The following PCDHGB4 variants were observed in gnomAD, a reference collection of about 807,000 sequenced individuals.
PCDHGB4 encodes the protein protocadherin gamma subfamily B, 4.
Under a neutral mutation model 60.5 loss-of-function variants are expected in PCDHGB4, and 38 were observed. The ratio of observed to expected loss-of-function variants is 0.63; its 90% CI spans 0.48 to 0.82. PCDHGB4 has a LOEUF of 0.82. PCDHGB4 is among the 40% of genes least tolerant of loss of function. The probability of loss-of-function intolerance (pLI) is 0.00; values close to 1 mark genes in which losing one functional copy is unlikely to be tolerated. For missense variants in PCDHGB4, 1,109 were observed against 1,209.6 expected, an observed-to-expected ratio of 0.92 and a Z score of 1.23; for synonymous variants, 456 against 509.7, an observed-to-expected ratio of 0.89 and a Z score of 1.42.
chr5:141,499,073 G>T (rs2099789305), intron 2 of PCDHGB4, among the ~76,000 whole-genome samples: 1 of 152,064 alleles, frequency 6.6e-6, no homozygotes, highest in Admixed American at 6.5e-5. Flanking sequence ...CTTACATTCT[G>T]AAGTTCCTGC....
At chr5:141,470,548 A>G (rs2099232978) in intron 1 of PCDHGB4, among the ~76,000 whole-genome samples, 1 of 152,182 alleles carries the variant, frequency 6.6e-6, no homozygotes, top group Non-Finnish European at 1.5e-5. Context: ...ATATTTATTG[A>G]GAGTTTCCTC....
intron 1 of PCDHGB4, among the ~76,000 whole-genome samples, chr5:141,401,290 C>T (rs1460193254): frequency 6.6e-6 from 1 of 151,710 alleles, no homozygotes; most frequent in Non-Finnish European, 1.5e-5. Flanking sequence ...TGCGGTGAGC[C>T]GAGATCACTC....
At position 141,490,381 on chromosome 5, in the gene PCDHGB4, A is replaced by T. The variant is rs770046796; in HGVS notation, c.2398-4426A>T. 1 of 1,614,240 alleles carries T rather than the reference A, an allele frequency of 6.2e-7. No homozygotes were observed. The highest frequency in any genetic ancestry group is 1.1e-5 in the South Asian group (1 of 91,090). On this transcript the variant is annotated intron_variant, in intron 1 of 3. Coordinates refer to ENST00000519479, the MANE Select transcript of PCDHGB4 (RefSeq NM_003736.4). This position sits in a 1 kb window ranked among gnomAD's most constrained non-coding sequence, Gnocchi z 5.4. ...TAATGTGCGAGACCGGGACTCAGGT[A>T]GAAATGGTGAAGTGAGCCTTGATAT...
At position 141,486,370 on chromosome 5, in the gene PCDHGB4, T is replaced by C. The variant is rs755925357; in HGVS notation, c.2398-8437T>C. Reference sequence around the variant, plus strand: ...ACCACTTGCCATTTGCCCTCAAGTCTGCCTTCAGGAACCAGTTCTCCCTGG... The same window carrying C: ...ACCACTTGCCATTTGCCCTCAAGTCCGCCTTCAGGAACCAGTTCTCCCTGG... On this transcript the variant is annotated intron_variant, in intron 1 of 3. Coordinates refer to ENST00000519479, the MANE Select transcript of PCDHGB4 (RefSeq NM_003736.4). The surrounding 1 kb of genome is among the most constrained non-coding windows in gnomAD (Gnocchi z 5.0). 8 of 1,613,988 alleles carry C rather than the reference T, an allele frequency of 5.0e-6. No individual in the cohort carries two copies. The Admixed American group carries it at 1.3e-4, about 27-fold the overall frequency.
intron 1 of PCDHGB4, chr5:141,405,435 T>TAG: frequency 6.8e-7 from 1 of 1,463,324 alleles, no homozygotes; most frequent in Non-Finnish European, 9.3e-7. Flanking sequence ...TTGTTTTGTT[T>TAG]TTGAGACAGA....
At chr5:141,419,298 A>G in intron 1 of PCDHGB4, 1 of 1,613,988 alleles carries the variant, frequency 6.2e-7, no homozygotes, top group Non-Finnish European at 8.5e-7. Context: ...TCTGACCCAG[A>G]CTTCGGGCTC....
chr5:141,490,467 C>T lies in PCDHGB4; in HGVS notation c.2398-4340C>T. ...AGAACCACTACTCGCTGCTAACCAG[C>T]CAGCCTTTGGACCGGGAGGCCACAT... is the stretch of plus-strand genomic sequence containing the variant. On this transcript the variant is annotated intron_variant, in intron 1 of 3. Transcript: ENST00000519479. This position sits in a 1 kb window ranked among gnomAD's most constrained non-coding sequence, Gnocchi z 5.4. The T allele has an allele frequency of 6.2e-7, 1 of 1,614,216 alleles. No individual in the cohort carries two copies. The highest frequency in any genetic ancestry group is 8.5e-7 in the Non-Finnish European group (1 of 1,180,040).
intron 1 of PCDHGB4, chr5:141,410,849 C>CTTTTTTTTTCTTTTTTTTTTT (rs2095433801): frequency 7.7e-6 from 1 of 129,786 alleles, no homozygotes; most frequent in Non-Finnish European, 1.3e-5. Context: ...TTGTCTTTGT[C>CTTTTTTTTTCTTTTTTTTTTT]TTTTTTTTTT....
chr5:141,428,388 C>A, intron 1 of PCDHGB4: 1 of 506,160 alleles, frequency 2.0e-6, no homozygotes, highest in African/African-American at 1.9e-5. Flanking sequence ...GCTCTTCCAG[C>A]CCCTCTGCCT....
chr5:141,404,240 C>T, intron 1 of PCDHGB4: 1 of 1,613,660 alleles, frequency 6.2e-7, no homozygotes, highest in East Asian at 2.2e-5. Context: ...CAGAGGAACT[C>T]CGCCCCTGTC....
intron 1 of PCDHGB4, 58 bp from the exon 2 acceptor site, chr5:141,494,749 G>A (rs573811540): frequency 2.9e-5 from 47 of 1,612,698 alleles, no homozygotes; most frequent in Non-Finnish European, 3.6e-5. Flanking sequence ...CTAGGGGCTC[G>A]GGTGACATTC....
intron 1 of PCDHGB4, among the ~76,000 whole-genome samples, chr5:141,443,866 T>C (rs1017854695): frequency 6.6e-6 from 1 of 151,986 alleles, no homozygotes; most frequent in Non-Finnish European, 1.5e-5. Context: ...ACTGAAAAAA[T>C]TACTGATAAG....
At chr5:141,460,908 T>C (rs550367008) in intron 1 of PCDHGB4, among the ~76,000 whole-genome samples, 2,136 of 133,318 alleles carry the variant, frequency 0.016, 43 homozygotes, top group African/African-American at 0.062. Flanking sequence ...TAATATTCCA[T>C]GGTGTATATA....
chr5:141,443,309 C>T (rs2098379780), intron 1 of PCDHGB4, among the ~76,000 whole-genome samples: 1 of 131,436 alleles, frequency 7.6e-6, no homozygotes, highest in African/African-American at 3.4e-5. Flanking sequence ...GGCAAAAACC[C>T]ATCTCTACAA....
intron 1 of PCDHGB4, chr5:141,427,729 A>G (rs1176707357): frequency 8.5e-7 from 1 of 1,170,166 alleles, no homozygotes; most frequent in African/African-American, 1.5e-5. Context: ...CTAGGGCTGA[A>G]TGGCCAAGTC....
At chr5:141,402,037 G>A (rs749684542) in intron 1 of PCDHGB4, among the ~76,000 whole-genome samples, 24 of 152,118 alleles carry the variant, frequency 1.6e-4, no homozygotes, top group Non-Finnish European at 2.9e-4. Flanking sequence ...CACAGTCTGT[G>A]CATGCATTAC....
Position 141,512,703 on chromosome 5 carries a change from T to C in PCDHGB4, c.*1530T>C. ...TAGCCAGTAGTGTAGTGCGGTGTGC[T>C]TTTACGTGATGGCGGGTGGGCAGCG... On this transcript the variant is annotated 3_prime_UTR_variant, in exon 4 of 4. Coordinates refer to ENST00000519479, the MANE Select transcript of PCDHGB4 (RefSeq NM_003736.4). 1 of 152,958 alleles carries C rather than the reference T, an allele frequency of 6.5e-6. No individual in the cohort carries two copies. Among genetic ancestry groups the C allele is most frequent in the East Asian group, 1.9e-4 (1 of 5,212 alleles). 9.5% of individuals were successfully genotyped at this position (152,958 alleles called of 1,614,324 possible).
At chr5:141,414,037 T>C (rs769920301) in intron 1 of PCDHGB4, 2 of 1,611,060 alleles carry the variant, frequency 1.2e-6, no homozygotes, top group Admixed American at 1.7e-5. Context: ...ATTCCGAAAA[T>C]TACCTGACAC....
intron 1 of PCDHGB4, chr5:141,408,016 A>G (rs991619128): frequency 9.9e-7 from 1 of 1,014,516 alleles, no homozygotes; most frequent in Admixed American, 3.2e-5. Flanking sequence ...TGCGCAGCCA[A>G]CAACAGAAAG....
Sources: allele counts gnomAD v4.1 joint callset (sites outside exome capture counted in the v4.1 genomes callset), GRCh38; gene constraint gnomAD v4.1.1; non-coding constraint Gnocchi (gnomAD v3.1); transcripts MANE v1.5; gene names NCBI Gene and HGNC (gene_info 2026-07-23, HGNC 2026-07-21).